The following ZNF277 variants were observed in gnomAD, a reference collection of about 807,000 sequenced individuals.
ZNF277 encodes the protein zinc finger protein 277.
ZNF277 carries 55 observed loss-of-function variants against 60.7 expected under a neutral mutation model. That is an observed-to-expected ratio of 0.91 (90% CI 0.73 to 1.13). The LOEUF is 1.13. Ranked by LOEUF, ZNF277 falls within the 50% of genes most tolerant of loss-of-function variation. The pLI is 0.00. For synonymous variants in ZNF277, 178 were observed against 179.3 expected (o/e 0.99, Z 0.06); for missense variants, 510 against 523.0 (o/e 0.98, Z 0.24).
At chr7:112,255,803 T>C (rs1359955558) in intron 1 of ZNF277, among the ~76,000 whole-genome samples, 1 of 152,242 alleles carries the variant, frequency 6.6e-6, no homozygotes, top group Non-Finnish European at 1.5e-5. Flanking sequence ...TTTGTGAATA[T>C]GCAGTCTCTG....
intron 5 of ZNF277, among the ~76,000 whole-genome samples, chr7:112,323,710 A>C (rs1793036695): frequency 6.6e-6 from 1 of 152,222 alleles, no homozygotes; most frequent in South Asian, 2.1e-4. Flanking sequence ...CAGAGTGCTT[A>C]AAAAGTTGAT....
At chr7:112,237,618 TA>T (rs1790835212) in intron 1 of ZNF277, among the ~76,000 whole-genome samples, 1 of 152,078 alleles carries the variant, frequency 6.6e-6, no homozygotes, top group African/African-American at 2.4e-5. Context: ...GATACATTTC[TA>T]AAAACATACA....
chr7:112,285,372 A>G (rs555584781), intron 1 of ZNF277, among the ~76,000 whole-genome samples: 1 of 151,528 alleles, frequency 6.6e-6, no homozygotes, highest in African/African-American at 2.4e-5. Flanking sequence ...GACTGATTCA[A>G]TTAATTCATA....
intron 1 of ZNF277, among the ~76,000 whole-genome samples, chr7:112,231,808 G>A (rs1563198532): frequency 1.3e-5 from 2 of 151,806 alleles, no homozygotes; most frequent in Admixed American, 6.6e-5. Context: ...TTAATTCAGA[G>A]TATTTCCACT....
intron 1 of ZNF277, among the ~76,000 whole-genome samples, chr7:112,209,890 C>T (rs761551214): frequency 5.3e-5 from 8 of 152,026 alleles, no homozygotes; most frequent in Admixed American, 4.6e-4. Context: ...AGCAAACTAT[C>T]GCAAGGACAG....
chr7:112,212,198 T>C (rs1339838184), intron 1 of ZNF277, among the ~76,000 whole-genome samples: 2 of 152,238 alleles, frequency 1.3e-5, no homozygotes, highest in African/African-American at 4.8e-5. Context: ...AGATCTGGCC[T>C]TTATAACTTT....
intron 4 of ZNF277, among the ~76,000 whole-genome samples, chr7:112,314,864 G>A (rs909403637): frequency 6.6e-6 from 1 of 152,080 alleles, no homozygotes; most frequent in Non-Finnish European, 1.5e-5. Context: ...GCTAAATACT[G>A]GGGATTTTAT....
At chr7:112,280,918 G>T (rs921293416) in intron 1 of ZNF277, among the ~76,000 whole-genome samples, 1 of 152,058 alleles carries the variant, frequency 6.6e-6, no homozygotes, top group African/African-American at 2.4e-5. Flanking sequence ...ATGAGCCACC[G>T]CGCCCAGCCC....
chr7:112,295,627 G>C (rs575482906), intron 2 of ZNF277, among the ~76,000 whole-genome samples: 7 of 152,086 alleles, frequency 4.6e-5, no homozygotes, highest in African/African-American at 1.7e-4. Context: ...TGAATTTGGG[G>C]ATAGTAGAGT....
chr7:112,312,678 A>C (rs1036423447), intron 4 of ZNF277, among the ~76,000 whole-genome samples: 2 of 152,146 alleles, frequency 1.3e-5, no homozygotes, highest in Non-Finnish European at 2.9e-5. Context: ...TAGGAATGTT[A>C]ATTGTACTGT....
At chr7:112,252,096 T>G (rs1016418721) in intron 1 of ZNF277, among the ~76,000 whole-genome samples, 7 of 152,230 alleles carry the variant, frequency 4.6e-5, no homozygotes, top group African/African-American at 1.7e-4. Context: ...TTTTTTACAC[T>G]GATGCACAAT....
At chr7:112,234,754 A>G (rs1822442053) in intron 1 of ZNF277, among the ~76,000 whole-genome samples, 1 of 151,832 alleles carries the variant, frequency 6.6e-6, no homozygotes, top group African/African-American at 2.4e-5. Context: ...AATTCAAATT[A>G]TTATATTTTT....
intron 1 of ZNF277, among the ~76,000 whole-genome samples, chr7:112,219,130 C>A (rs761666987): frequency 1.4e-4 from 21 of 152,170 alleles, no homozygotes; most frequent in Non-Finnish European, 2.4e-4. Context: ...CAATGCTTAT[C>A]TCTTGTCTTT....
chr7:112,242,569 A>C lies in ZNF277; in HGVS notation c.91+35762A>C, dbSNP rs796097106. ...TTATAATAGCTACCAAAAAAAAAAA[A>C]AAAACAAAATAAAATAAAATACCTA... On this transcript the variant is annotated intron_variant, in intron 1 of 11. Transcript: ENST00000361822. 4.6e-4 allele frequency among the ~76,000 whole-genome samples: 64 copies of C among 137,868 alleles called. 2 individuals carry two copies. In the East Asian group the frequency reaches 0.013, roughly 29 times the overall value. 90.4% of individuals were successfully genotyped at this position (137,868 alleles called of 152,430 possible). A position where few individuals can be genotyped will look rare whatever the true frequency, so the allele number is the denominator to read the frequency against.
chr7:112,257,987 T>C (rs1791361207), intron 1 of ZNF277, among the ~76,000 whole-genome samples: 1 of 151,984 alleles, frequency 6.6e-6, no homozygotes, highest in Admixed American at 6.6e-5. Context: ...TAACATTTTT[T>C]TTCTTTGTAG....
intron 4 of ZNF277, among the ~76,000 whole-genome samples, chr7:112,317,556 T>C (rs991711530): frequency 6.6e-6 from 1 of 152,054 alleles, no homozygotes; most frequent in Admixed American, 6.6e-5. Context: ...TGGAACCACC[T>C]TGATTAGAGC....
chr7:112,303,650 TAATATA>T (rs1471387859), intron 4 of ZNF277, among the ~76,000 whole-genome samples: 1 of 152,156 alleles, frequency 6.6e-6, no homozygotes, highest in Admixed American at 6.5e-5. Flanking sequence ...CTTGTACCTT[TAATATA>T]AATAGGAATT....
chr7:112,338,478 G>C (rs948521146), intron 9 of ZNF277, among the ~76,000 whole-genome samples: 2 of 152,126 alleles, frequency 1.3e-5, no homozygotes, highest in South Asian at 2.1e-4. Context: ...ACAGCTTGTG[G>C]GCAGAGGGGT....
At chr7:112,328,368 C>T (rs1477070205) in intron 6 of ZNF277, 2 of 152,194 alleles carry the variant, frequency 1.3e-5, no homozygotes, top group Non-Finnish European at 2.9e-5. Context: ...TCCTCAAGGT[C>T]ATATTCTGGC....
Sources: gnomAD v4.1 joint callset for allele counts (sites outside exome capture counted in the v4.1 genomes callset) on GRCh38, gnomAD v4.1.1 for gene constraint, MANE v1.5 for transcripts, NCBI Gene and HGNC (gene_info 2026-07-23, HGNC 2026-07-21) for gene names.